The following FHIT variants were observed in gnomAD, a reference collection of about 807,000 sequenced individuals.
FHIT encodes fragile histidine triad diadenosine triphosphatase, also known as bis(5'-adenosyl)-triphosphatase.
FHIT carries 19 observed loss-of-function variants against 17.9 expected under a neutral mutation model. That is an observed-to-expected ratio of 1.06 (90% CI 0.74 to 1.56). FHIT has a LOEUF of 1.56. Ranked by LOEUF, FHIT falls within the 40% of genes most tolerant of loss-of-function variation. FHIT has a pLI of 0.00. For missense variants in FHIT, 248 were observed against 189.2 expected (o/e 1.31, Z -1.82); for synonymous variants, 81 against 69.7 (o/e 1.16, Z -0.81).
chr3:59,796,350 G>T (rs1699778296), intron 8 of FHIT, among the ~76,000 whole-genome samples: 1 of 152,088 alleles, frequency 6.6e-6, no homozygotes. Context: ...GGTCACAAGG[G>T]CTTCCTTTCC....
At chr3:60,152,649 C>T (rs1388467254) in intron 5 of FHIT, among the ~76,000 whole-genome samples, 1 of 152,172 alleles carries the variant, frequency 6.6e-6, no homozygotes, top group South Asian at 2.1e-4. Context: ...GAAAAGTACA[C>T]AAAGACAGTT....
intron 7 of FHIT, among the ~76,000 whole-genome samples, chr3:59,939,786 T>C (rs140750639): frequency 6.6e-6 from 1 of 152,280 alleles, no homozygotes; most frequent in Non-Finnish European, 1.5e-5. Context: ...GTATCAAGTT[T>C]TGCTCCAGAG....
chr3:60,464,206 A>C (rs190660327), intron 5 of FHIT, among the ~76,000 whole-genome samples: 1 of 152,268 alleles, frequency 6.6e-6, no homozygotes, highest in East Asian at 1.9e-4. Context: ...GTTCCCCTGC[A>C]TTCATTTTTT....
chr3:60,326,895 A>G (rs1419434687), intron 5 of FHIT, among the ~76,000 whole-genome samples: 2 of 152,218 alleles, frequency 1.3e-5, no homozygotes. Flanking sequence ...TTCCATGATC[A>G]CAGTAATCGA....
intron 5 of FHIT, among the ~76,000 whole-genome samples, chr3:60,088,636 T>G: frequency 6.6e-6 from 1 of 152,184 alleles, no homozygotes; most frequent in East Asian, 1.9e-4. Context: ...TGTACTTGGA[T>G]CTCTCTTATG....
intron 1 of FHIT, among the ~76,000 whole-genome samples, chr3:61,205,939 TTTATGGTTTTAGGTC>T (rs2106716828): frequency 6.8e-6 from 1 of 147,386 alleles, no homozygotes; most frequent in East Asian, 2.0e-4. Context: ...TTCTAGGGTT[TTTATGGTTTTAGGTC>T]TAACATTTAA....
chr3:60,102,592 C>T (rs1481506111), intron 5 of FHIT, among the ~76,000 whole-genome samples: 1 of 151,756 alleles, frequency 6.6e-6, no homozygotes, highest in Non-Finnish European at 1.5e-5. Context: ...CCATAGTTGG[C>T]TATTTTGGAA....
chr3:61,152,500 T>C lies in FHIT; in HGVS notation c.-164+48117A>G, dbSNP rs187650597. 1.5e-4 allele frequency among the ~76,000 whole-genome samples: 23 copies of C among 152,360 alleles called. No individual in the cohort carries two copies. In the East Asian group the frequency reaches 4.2e-3, roughly 28 times the overall value. On this transcript the variant is annotated intron_variant, in intron 2 of 9. Transcript: ENST00000492590. Reference sequence around the variant, plus strand: ...ATTAGCAAAAATAAGCTTTTTTTAATAGTAAGTGTTGGTACAAATAGGACA... The same window carrying C: ...ATTAGCAAAAATAAGCTTTTTTTAACAGTAAGTGTTGGTACAAATAGGACA...
chr3:60,069,873 A>G (rs957672102), intron 5 of FHIT, among the ~76,000 whole-genome samples: 1 of 152,174 alleles, frequency 6.6e-6, no homozygotes, highest in African/African-American at 2.4e-5. Context: ...GGTGACTAAG[A>G]TGCAGGAGCA....
chr3:59,862,063 T>G (rs1266460270), intron 8 of FHIT, among the ~76,000 whole-genome samples: 2 of 152,128 alleles, frequency 1.3e-5, no homozygotes, highest in African/African-American at 4.8e-5. Context: ...GCCAGTATTT[T>G]TGAAAGCAAA....
intron 5 of FHIT, among the ~76,000 whole-genome samples, chr3:60,015,531 T>TTTGAGCAGA (rs1700310806): frequency 6.6e-6 from 1 of 152,188 alleles, no homozygotes. Context: ...TTTCATTTCC[T>TTTGAGCAGA]TTGAGCAGAT....
At chr3:60,559,268 G>T (rs1010038883) in intron 4 of FHIT, among the ~76,000 whole-genome samples, 1 of 152,144 alleles carries the variant, frequency 6.6e-6, no homozygotes, top group Non-Finnish European at 1.5e-5. Context: ...AATTTCCCTA[G>T]AGGCATGCAT....
At chr3:59,992,016 G>C (rs1699296098) in intron 7 of FHIT, among the ~76,000 whole-genome samples, 4 of 151,966 alleles carry the variant, frequency 2.6e-5, no homozygotes, top group South Asian at 2.1e-4. Flanking sequence ...ACGTATGCAG[G>C]GAAGAGGAGA....
At chr3:61,161,403 C>T (rs1272096840) in intron 2 of FHIT, among the ~76,000 whole-genome samples, 2 of 152,090 alleles carry the variant, frequency 1.3e-5, no homozygotes, top group Non-Finnish European at 2.9e-5. Context: ...GGGGTTTCAC[C>T]ATGTTAGCCA....
chr3:61,137,321 T>C (rs1350419505), intron 2 of FHIT, among the ~76,000 whole-genome samples: 4 of 150,490 alleles, frequency 2.7e-5, no homozygotes, highest in Non-Finnish European at 5.9e-5. Context: ...AATGCCCTTG[T>C]TTCCGTCCCT....
At chr3:59,875,845 A>G (rs957199849) in intron 8 of FHIT, among the ~76,000 whole-genome samples, 4 of 152,106 alleles carry the variant, frequency 2.6e-5, no homozygotes, top group African/African-American at 9.7e-5. Context: ...TATGCCAGCC[A>G]TGCGTCAGCC....
chr3:60,751,102 C>T (rs537309880), intron 4 of FHIT, among the ~76,000 whole-genome samples: 19 of 152,296 alleles, frequency 1.2e-4, no homozygotes, highest in African/African-American at 4.6e-4. Flanking sequence ...AGGGTGGGAC[C>T]CTTTCTCACC....
intron 2 of FHIT, among the ~76,000 whole-genome samples, chr3:61,161,159 A>T (rs1166175620): frequency 6.7e-6 from 1 of 149,956 alleles, no homozygotes; most frequent in Admixed American, 6.7e-5. Context: ...AAAAAGATAC[A>T]GATTTCACAG....
At chr3:60,396,392 G>T (rs1701441274) in intron 5 of FHIT, among the ~76,000 whole-genome samples, 1 of 152,068 alleles carries the variant, frequency 6.6e-6, no homozygotes, top group African/African-American at 2.4e-5. Context: ...TGACAAAAAG[G>T]AAAATCTTTC....
Sources: allele counts gnomAD v4.1 joint callset (sites outside exome capture counted in the v4.1 genomes callset), GRCh38; gene constraint gnomAD v4.1.1; transcripts MANE v1.5; gene names NCBI Gene and HGNC (gene_info 2026-07-23, HGNC 2026-07-21).